AGAP3: variants seen among roughly 807,000 people sequenced by gnomAD.
AGAP3 encodes the protein ArfGAP with GTPase domain, ankyrin repeat and PH domain 3.
AGAP3 carries 24 observed loss-of-function variants against 96.9 expected under a neutral mutation model. The observed-to-expected ratio is 0.25, with a 90% CI of 0.18 to 0.35. AGAP3 has a LOEUF of 0.35. Among genes scored for constraint, AGAP3 ranks in the 10% least tolerant of loss-of-function variants. The pLI, the probability that AGAP3 is intolerant of heterozygous loss-of-function variation, is 1.00. For missense variants in AGAP3, 876 were observed against 1,254.2 expected (o/e 0.70, Z 4.55); for synonymous variants, 563 against 536.1 (o/e 1.05, Z -0.69).
chr7:151,114,816 C>T lies in AGAP3; in HGVS notation c.332-1977C>T, dbSNP rs1799465957. 2 of 1,058,198 alleles carry T rather than the reference C, an allele frequency of 1.9e-6. No individual in the cohort carries two copies. Among genetic ancestry groups the T allele is most frequent in the Non-Finnish European group, 2.3e-6 (2 of 878,204 alleles). 65.6% of individuals were successfully genotyped at this position (1,058,198 alleles called of 1,614,324 possible). A position where few individuals can be genotyped will look rare whatever the true frequency, so the allele number is the denominator to read the frequency against. ...GGGGGACAGCTGTCCCGGGGAGCGG[C>T]CCGCCGCTTGCCGCCGCGCCCACAG... On this transcript the variant is annotated intron_variant, in intron 1 of 17. Transcript: ENST00000397238. The surrounding 1 kb of genome is among the most constrained non-coding windows in gnomAD (Gnocchi z 4.4).
rs192782543 is a variant in AGAP3 at position 151,129,258 on chromosome 7, C to T, written c.1326+574C>T. On this transcript the variant is annotated intron_variant, in intron 10 of 17. Transcript: ENST00000397238. The stretch of plus-strand genomic sequence containing the variant: ...CGTGGCTCCAGCACACAGCTGTCAC[C>T]GGAATTCATCTCTGTCACCACCCCA... 2.8e-3 allele frequency among the ~76,000 whole-genome samples: 421 copies of T among 152,158 alleles called. 1 individual carries two copies. The highest frequency in any genetic ancestry group is 9.2e-3 in the African/African-American group (383 of 41,488).
rs2303945 is a variant in AGAP3, at chr7:151,144,291, G to A, written c.*348G>A. On this transcript the variant is annotated 3_prime_UTR_variant, in exon 18 of 18. Coordinates refer to ENST00000397238, the MANE Select transcript of AGAP3 (RefSeq NM_031946.7). ...CTTCATCCTGAAACAGGAAGAGGAC[G>A]GCACCAAGTTGGGGGTGCTGGATGA... is the stretch of plus-strand genomic sequence containing the variant. The A allele has an allele frequency of 2.4e-3, 788 of 321,886 alleles. 28 individuals are homozygous for A. The East Asian group carries it at 0.042, about 17-fold the overall frequency. The allele number at this position is 321,886 out of a possible 1,614,324, so 19.9% of individuals were successfully genotyped here. A position where few individuals can be genotyped will look rare whatever the true frequency, so the allele number is the denominator to read the frequency against.
At chr7:151,117,843 G>C (rs991971448) in intron 5 of AGAP3, 66 bp downstream of exon 5, 2 of 1,528,238 alleles carry the variant, frequency 1.3e-6, no homozygotes, top group Non-Finnish European at 1.8e-6. Context: ...CATGGGGGCA[G>C]GGGTGGGCAG....
intron 11 of AGAP3, chr7:151,137,873 C>A: frequency 6.1e-6 from 3 of 489,094 alleles, no homozygotes; most frequent in Non-Finnish European, 1.1e-5. Context: ...GTTGGAAGAT[C>A]TCTGATGCAG....
At chr7:151,091,317 G>C (rs938260779) in intron 1 of AGAP3, among the ~76,000 whole-genome samples, 7 of 152,246 alleles carry the variant, frequency 4.6e-5, no homozygotes, top group African/African-American at 1.7e-4. Flanking sequence ...GTGTCTCATG[G>C]GGGCCTGGTT....
chr7:151,108,341 G>A lies in AGAP3; in HGVS notation c.332-8452G>A, dbSNP rs895505986. Among the ~76,000 whole-genome samples, 2 of 152,008 alleles carry A rather than the reference G, an allele frequency of 1.3e-5. No homozygotes were observed. Among genetic ancestry groups the A allele is most frequent in the African/African-American group, 4.8e-5 (2 of 41,376 alleles). On this transcript the variant is annotated intron_variant, in intron 1 of 17. Transcript: ENST00000397238. The surrounding 1 kb of genome is among the most constrained non-coding windows in gnomAD (Gnocchi z 4.2). Reference sequence around the variant, plus strand: ...GGCCTGGTGTCGAAAGGCCATTTTCGGCTGGAATGACAGCCACTCCCACCC... The same window carrying A: ...GGCCTGGTGTCGAAAGGCCATTTTCAGCTGGAATGACAGCCACTCCCACCC...
At chr7:151,098,727 T>C (rs1331440555) in intron 1 of AGAP3, among the ~76,000 whole-genome samples, 1 of 142,042 alleles carries the variant, frequency 7.0e-6, no homozygotes, top group Non-Finnish European at 1.5e-5. Context: ...GATTCAATTT[T>C]CTTTTCTTTT....
intron 1 of AGAP3, among the ~76,000 whole-genome samples, chr7:151,107,511 C>T (rs1431264319): frequency 6.6e-6 from 1 of 151,748 alleles, no homozygotes; most frequent in African/African-American, 2.4e-5. Context: ...GTAGTCCCAG[C>T]TACTTAGGAG....
intron 10 of AGAP3, among the ~76,000 whole-genome samples, chr7:151,129,347 G>A (rs1343661401): frequency 2.0e-5 from 3 of 151,890 alleles, no homozygotes; most frequent in Non-Finnish European, 4.4e-5. Context: ...CCACTGCCCC[G>A]CCCCGGCCCA....
In AGAP3 at chr7:151,142,309, A is replaced by G; in HGVS notation, c.2050+56A>G. The G allele has an allele frequency of 6.2e-7, 1 of 1,604,146 alleles. No individual in the cohort carries two copies. ...GGGGATGGCCCAGGGAAAGCTTCGC[A>G]AGCATCAGGGAGCAGGGAAGAGGGC... On this transcript the variant is annotated intron_variant, in intron 15 of 17. Coordinates refer to ENST00000397238, the MANE Select transcript of AGAP3 (RefSeq NM_031946.7). This position sits in a 1 kb window ranked among gnomAD's most constrained non-coding sequence, Gnocchi z 7.5.
chr7:151,103,652 A>G (rs10273337), intron 1 of AGAP3, among the ~76,000 whole-genome samples: 118,073 of 152,116 alleles, frequency 0.78, 45,896 homozygotes, highest in East Asian at 0.98. Context: ...CCATTACACC[A>G]GAATAGCACC....
intron 1 of AGAP3, among the ~76,000 whole-genome samples, chr7:151,109,217 G>T (rs1028878367): frequency 7.5e-5 from 11 of 147,432 alleles, no homozygotes; most frequent in African/African-American, 1.2e-4. Flanking sequence ...AGAAAAAATA[G>T]CTGGACATGG....
intron 9 of AGAP3, chr7:151,128,339 C>T: frequency 3.9e-6 from 2 of 509,888 alleles, no homozygotes; most frequent in Non-Finnish European, 7.1e-6. Context: ...AAGACGCCCA[C>T]CTGCCGGAAC....
chr7:151,140,037 C>A lies in AGAP3; in HGVS notation c.1725C>A (p.Pro575=). ...CCAAGCTGGATCCTCCCCCATCTCC[C>A]CACTCCAACCGGAAGAAGCACCGGA... ...SSPKLDPPPS[P]HSNRKKHRRK... Residue 575 remains proline (P), a synonymous_variant, in exon 13 of 18, where the codon CCC becomes CCA. Transcript: ENST00000397238. The surrounding 1 kb of genome is among the most constrained non-coding windows in gnomAD (Gnocchi z 5.4). The A allele has an allele frequency of 6.2e-7, 1 of 1,606,332 alleles. No homozygotes were observed. Among genetic ancestry groups the A allele is most frequent in the East Asian group, 2.3e-5 (1 of 44,036 alleles).
At chr7:151,127,213 C>T (rs1220867158) in intron 9 of AGAP3, among the ~76,000 whole-genome samples, 2 of 152,200 alleles carry the variant, frequency 1.3e-5, no homozygotes, top group African/African-American at 2.4e-5. Flanking sequence ...CACCCTTGGG[C>T]GTCAGGACCA....
At position 151,128,752 on chromosome 7, in the gene AGAP3, G is replaced by A. The variant is rs7808252; in HGVS notation, c.1326+68G>A. The A allele has an allele frequency of 0.22, 304,662 of 1,362,406 alleles. 37,005 individuals are homozygous for A. The highest frequency in any genetic ancestry group is 0.42 in the Admixed American group (24,206 of 57,348). 84.4% of individuals were successfully genotyped at this position (1,362,406 alleles called of 1,614,324 possible). A position where few individuals can be genotyped will look rare whatever the true frequency, so the allele number is the denominator to read the frequency against. On this transcript the variant is annotated intron_variant, in intron 10 of 17. Transcript: ENST00000397238. ...GGGTGGAGGGAGGATAACAGAATGC[G>A]GGTAGCAGACAGGCTCCAGGATGGA...
intron 1 of AGAP3, among the ~76,000 whole-genome samples, chr7:151,093,937 G>T (rs1798497544): frequency 6.6e-6 from 1 of 152,180 alleles, no homozygotes; most frequent in African/African-American, 2.4e-5. Context: ...CTGGCCGGGG[G>T]TCTTGTCTGT....
chr7:151,122,690 A>G, intron 8 of AGAP3: 1 of 1,613,064 alleles, frequency 6.2e-7, no homozygotes, highest in Non-Finnish European at 8.5e-7. Flanking sequence ...CTTGAGTATA[A>G]CTTGCCAAAA....
At chr7:151,115,285 G>A in intron 1 of AGAP3, 4 of 1,002,234 alleles carry the variant, frequency 4.0e-6, no homozygotes, top group Non-Finnish European at 4.7e-6. Context: ...GTGCTGCGCG[G>A]CGGGCGCGGG....
Sources: allele counts gnomAD v4.1 joint callset (sites outside exome capture counted in the v4.1 genomes callset), GRCh38; gene constraint gnomAD v4.1.1; non-coding constraint Gnocchi (gnomAD v3.1); transcripts MANE v1.5; gene names NCBI Gene and HGNC (gene_info 2026-07-23, HGNC 2026-07-21).